MBNL2: variants seen among roughly 807,000 people sequenced by gnomAD.
MBNL2 encodes the protein muscleblind like splicing regulator 2.
In MBNL2, 17 loss-of-function variants were observed where a neutral mutation model predicts 41.9. The ratio of observed to expected loss-of-function variants is 0.41; its 90% CI spans 0.28 to 0.61. MBNL2 has a LOEUF of 0.61. MBNL2 is among the 20% of genes least tolerant of loss of function. The pLI is 0.35. For synonymous variants in MBNL2, 195 were observed against 182.9 expected, an observed-to-expected ratio of 1.07 and a Z score of -0.53; for missense variants, 336 against 505.6, an observed-to-expected ratio of 0.66 and a Z score of 3.22.
In MBNL2 at chr13:97,268,003, C is replaced by T. The variant is rs966683784; in HGVS notation, c.-604-7629C>T. Among the ~76,000 whole-genome samples the T allele has an allele frequency of 1.3e-5, 2 of 152,224 alleles. No homozygotes were observed. Among genetic ancestry groups the T allele is most frequent in the Admixed American group, 6.5e-5 (1 of 15,280 alleles). ...ATGGCTTGTTAAAACACAGATTGCT[C>T]GTCCTCGTTGTCAGGGTATCTGATC... On this transcript the variant is annotated intron_variant, in intron 1 of 8. Transcript: ENST00000679496. This position sits in a 1 kb window ranked among gnomAD's most constrained non-coding sequence, Gnocchi z 4.6.
intron 7 of MBNL2, among the ~76,000 whole-genome samples, chr13:97,362,109 A>G (rs1020533544): frequency 1.3e-5 from 2 of 151,968 alleles, no homozygotes; most frequent in African/African-American, 4.8e-5. Context: ...CCCTTGATCC[A>G]AAATGCTTGG....
intron 3 of MBNL2, among the ~76,000 whole-genome samples, chr13:97,337,206 C>A (rs1316008707): frequency 6.6e-6 from 1 of 152,230 alleles, no homozygotes; most frequent in Non-Finnish European, 1.5e-5. Flanking sequence ...CAAGAAGGCA[C>A]TGTCTATGAA....
chr13:97,193,985 T>C, the MBNL2 span, among the ~76,000 whole-genome samples: 1 of 152,154 alleles, frequency 6.6e-6, no homozygotes, highest in African/African-American at 2.4e-5. Flanking sequence ...TCTCAGGGCA[T>C]AATGTTACTT....
At chr13:97,271,816 C>T (rs749816709) in intron 1 of MBNL2, among the ~76,000 whole-genome samples, 3 of 152,124 alleles carry the variant, frequency 2.0e-5, no homozygotes. Context: ...CTTTATCCAG[C>T]CTATTATTGA....
chr13:97,369,803 C>T (rs1379542049), intron 8 of MBNL2, among the ~76,000 whole-genome samples: 1 of 152,096 alleles, frequency 6.6e-6, no homozygotes. Flanking sequence ...TAAATAAAGA[C>T]AGAATCCAAA....
At chr13:97,171,017 A>G in the MBNL2 span, among the ~76,000 whole-genome samples, 12 of 152,182 alleles carry the variant, frequency 7.9e-5, no homozygotes, top group Non-Finnish European at 1.8e-4. Context: ...AATTTTTGCA[A>G]AGGCAGTTTT....
At chr13:97,252,781 C>G (rs577553231) in intron 1 of MBNL2, among the ~76,000 whole-genome samples, 46 of 152,234 alleles carry the variant, frequency 3.0e-4, no homozygotes, top group African/African-American at 1.0e-3. Context: ...ATTTAATTCT[C>G]TTGAATTTTC....
chr13:97,171,905 C>T, the MBNL2 span, among the ~76,000 whole-genome samples: 11 of 152,080 alleles, frequency 7.2e-5, no homozygotes, highest in East Asian at 3.9e-4. Context: ...TCTTTTTGCT[C>T]GGCTCTCATT....
intron 8 of MBNL2, among the ~76,000 whole-genome samples, chr13:97,379,630 A>G (rs2065252766): frequency 7.1e-6 from 1 of 141,724 alleles, no homozygotes; most frequent in Non-Finnish European, 1.5e-5. Context: ...CAGATGTACA[A>G]GCAGAAAGAG....
At chr13:97,274,506 A>T (rs2051765554) in intron 1 of MBNL2, among the ~76,000 whole-genome samples, 1 of 149,658 alleles carries the variant, frequency 6.7e-6, no homozygotes, top group African/African-American at 2.5e-5. Context: ...ACAGAGAAAG[A>T]CTCCATTTCA....
intron 1 of MBNL2, among the ~76,000 whole-genome samples, chr13:97,271,102 G>A (rs1168046056): frequency 6.7e-6 from 1 of 148,394 alleles, no homozygotes; most frequent in East Asian, 2.0e-4. Flanking sequence ...GGGTACACCT[G>A]CTCTTTTTTG....
Position 97,268,035 on chromosome 13 carries a change from C to T in MBNL2, c.-604-7597C>T, listed in dbSNP as rs1284718491. ...GTTGTCAGGGTATCTGATCCAGGAC[C>T]TTGGTGGTGGGGCCTAAGAGTGTGC... is the stretch of plus-strand genomic sequence containing the variant. On this transcript the variant is annotated intron_variant, in intron 1 of 8. Transcript: ENST00000679496. The surrounding 1 kb of genome is among the most constrained non-coding windows in gnomAD (Gnocchi z 4.6). 6.6e-6 allele frequency among the ~76,000 whole-genome samples: 1 copy of T among 152,088 alleles called. No individual in the cohort carries two copies. Among genetic ancestry groups the T allele is most frequent in the East Asian group, 1.9e-4 (1 of 5,150 alleles).
intron 8 of MBNL2, among the ~76,000 whole-genome samples, chr13:97,385,726 C>A (rs1243785998): frequency 6.6e-6 from 1 of 152,162 alleles, no homozygotes; most frequent in Non-Finnish European, 1.5e-5. Flanking sequence ...TCCTGGAGAT[C>A]AACCTCAAGG....
At chr13:97,296,430 G>T (rs1239979558) in intron 2 of MBNL2, among the ~76,000 whole-genome samples, 2 of 152,116 alleles carry the variant, frequency 1.3e-5, no homozygotes, top group African/African-American at 4.8e-5. Context: ...GTATCTGAAA[G>T]CTTTATCAAG....
chr13:97,375,798 G>T (rs753082324), intron 8 of MBNL2, among the ~76,000 whole-genome samples: 4 of 152,202 alleles, frequency 2.6e-5, no homozygotes, highest in Non-Finnish European at 5.9e-5. Context: ...ATCCATCTCA[G>T]ACTTTATATC....
intron 1 of MBNL2, among the ~76,000 whole-genome samples, chr13:97,248,740 T>C (rs1279002416): frequency 6.6e-6 from 1 of 152,106 alleles, no homozygotes; most frequent in African/African-American, 2.4e-5. Context: ...TCCTATAAAA[T>C]CAGATAAAGA....
the MBNL2 span, among the ~76,000 whole-genome samples, chr13:97,201,107 A>G: frequency 5.5e-4 from 84 of 152,212 alleles, no homozygotes; most frequent in Middle Eastern, 0.01. Flanking sequence ...TTCGAAAGCC[A>G]CTTCTTCTTT....
chr13:97,214,958 G>C, the MBNL2 span, among the ~76,000 whole-genome samples: 1 of 152,250 alleles, frequency 6.6e-6, no homozygotes. Flanking sequence ...AAAGGTGGAT[G>C]ATCCTGGCAA....
At chr13:97,356,064 A>T (rs1450460975) in intron 5 of MBNL2, among the ~76,000 whole-genome samples, 1 of 152,234 alleles carries the variant, frequency 6.6e-6, no homozygotes, top group Non-Finnish European at 1.5e-5. Context: ...CAAGTGGGGA[A>T]TTCTGGAAAC....
Sources: gnomAD v4.1 joint callset for allele counts (sites outside exome capture counted in the v4.1 genomes callset) on GRCh38, gnomAD v4.1.1 for gene constraint, Gnocchi (gnomAD v3.1) non-coding constraint, MANE v1.5 for transcripts, NCBI Gene and HGNC (gene_info 2026-07-23, HGNC 2026-07-21) for gene names.